The following NUP43 variants were observed in gnomAD, a reference collection of about 807,000 sequenced individuals.
NUP43 encodes the protein nucleoporin 43, also known as nucleoporin Nup43.
Under a neutral mutation model 47.3 loss-of-function variants are expected in NUP43, and 32 were observed. The observed-to-expected ratio is 0.68, with a 90% CI of 0.51 to 0.91. NUP43 has a LOEUF of 0.91. Ranked by LOEUF, NUP43 falls within the 40% of genes least tolerant of loss-of-function variation. The pLI is 0.00. For missense variants in NUP43, 444 were observed against 453.9 expected (o/e 0.98, Z 0.20); for synonymous variants, 147 against 158.4 (o/e 0.93, Z 0.54).
chr6:149,725,082 A>T lies in NUP43; in HGVS notation c.*1887T>A, dbSNP rs1784743193. 6.6e-6 allele frequency: 1 copy of T among 152,252 alleles called. No homozygotes were observed. The highest frequency in any genetic ancestry group is 6.5e-5 in the Admixed American group (1 of 15,278). 9.4% of individuals were successfully genotyped at this position (152,252 alleles called of 1,614,324 possible). On this transcript the variant is annotated 3_prime_UTR_variant, in exon 8 of 8. Transcript: ENST00000340413. Reference sequence around the variant, plus strand: ...GAACAAATTCATAAATTACGGTGTTACATTACATAAAGCTTAGTTTCTTAT... The same window carrying T: ...GAACAAATTCATAAATTACGGTGTTTCATTACATAAAGCTTAGTTTCTTAT...
chr6:149,727,069 C>T lies in NUP43; in HGVS notation c.1043G>A (p.Ser348Asn), dbSNP rs1281255384. ...CAAAGTGTTCACAGACAGAGACCTA[C>T]TGGGAAGTAAGCTTGTGATTTCAAT... ...DRIEITSLLP[S>N]RSLSVNTLDV... The change falls in exon 8 of 8, where the codon AGT (serine) becomes AAT (asparagine). Residue 348 changes from serine to asparagine, a missense_variant. Transcript: ENST00000340413. 2 of 1,614,138 alleles carry T rather than the reference C, an allele frequency of 1.2e-6. No homozygotes were observed. The highest frequency in any genetic ancestry group is 2.2e-5 in the South Asian group (2 of 91,084).
In NUP43 at chr6:149,742,496, T is replaced by G; in HGVS notation, c.396A>C (p.Ala132=). The G allele has an allele frequency of 6.2e-7, 1 of 1,614,112 alleles. No individual in the cohort carries two copies. The highest frequency in any genetic ancestry group is 2.2e-5 in the East Asian group (1 of 44,888). The change falls in exon 4 of 8, where the codon GCA becomes GCC. Residue 132 remains alanine, a synonymous_variant. Coordinates refer to ENST00000340413, the MANE Select transcript of NUP43 (RefSeq NM_198887.3). ...TGTTGCACACAACACCTGTACATGGTGCACTGCTATAGGAAGGACTGCCAG... is the reference window on the plus strand; with the variant it reads ...TGTTGCACACAACACCTGTACATGGGGCACTGCTATAGGAAGGACTGCCAG... ...TGPGSPSYSS[A]PCTGVVCNNP...
chr6:149,746,654 T>C, upstream of NUP43: 3 of 1,567,432 alleles, frequency 1.9e-6, no homozygotes, highest in South Asian at 1.1e-5. Flanking sequence ...GCACAGTCAG[T>C]ACCTAGACTG....
At chr6:149,742,240 G>T in intron 4 of NUP43, 150 bp downstream of exon 4, 1 of 633,046 alleles carries the variant, frequency 1.6e-6, no homozygotes, top group Non-Finnish European at 2.8e-6. Flanking sequence ...TGGTCAGGCT[G>T]GTCTCGGACT....
chr6:149,729,504 G>GGAGC lies in NUP43; in HGVS notation c.913+2105_913+2108dup. 3.0e-6 allele frequency: 3 copies of GGAGC among 984,586 alleles called. No homozygotes were observed. The East Asian group carries it at 3.4e-4, about 112-fold the overall frequency. The allele number at this position is 984,586 out of a possible 1,614,324, so 61.0% of individuals were successfully genotyped here. A position where few individuals can be genotyped will look rare whatever the true frequency, so the allele number is the denominator to read the frequency against. On this transcript the variant is annotated intron_variant, in intron 7 of 7. Coordinates refer to ENST00000340413, the MANE Select transcript of NUP43 (RefSeq NM_198887.3). ...TGGTGGTAGTTTCAGCCTGGTTGAG[G>GGAGC]GAGCGCCTTTTCTCCTAATTCAGAA...
rs1429665435 is a variant in NUP43 at position 149,738,700 on chromosome 6, T to C, written c.581A>G (p.Gln194Arg). Residue 194 changes from glutamine to arginine, a missense_variant, in exon 5 of 8, where the codon CAG becomes CGG. Transcript: ENST00000340413. ...PEILTVNSIGQLKIWDFRQQG... is the reference protein window; with the variant it reads ...PEILTVNSIGRLKIWDFRQQG... ...TTGTCTGAAATCCCATATTTTCAACTGTCCAATTGAATTTACAGTAAGAAT... is the reference window on the plus strand; with the variant it reads ...TTGTCTGAAATCCCATATTTTCAACCGTCCAATTGAATTTACAGTAAGAAT... The C allele has an allele frequency of 1.9e-6, 3 of 1,596,902 alleles. No individual in the cohort carries two copies. Among genetic ancestry groups the C allele is most frequent in the Non-Finnish European group, 2.6e-6 (3 of 1,171,956 alleles).
intron 4 of NUP43, among the ~76,000 whole-genome samples, chr6:149,741,051 T>C (rs1303626196): frequency 6.6e-6 from 1 of 151,984 alleles, no homozygotes; most frequent in Admixed American, 6.6e-5. Flanking sequence ...TATCTGATAA[T>C]GCCCTCTCAC....
At chr6:149,733,826 G>GT (rs933712677) in intron 6 of NUP43, among the ~76,000 whole-genome samples, 1 of 150,826 alleles carries the variant, frequency 6.6e-6, no homozygotes, top group African/African-American at 2.4e-5. Flanking sequence ...AATCTGTTTT[G>GT]TTTTGTTTTT....
chr6:149,735,121 G>A (rs1785255884), intron 6 of NUP43, among the ~76,000 whole-genome samples: 1 of 151,998 alleles, frequency 6.6e-6, no homozygotes, highest in South Asian at 2.1e-4. Context: ...GGAGTGCATA[G>A]GTGCAATCAT....
intron 4 of NUP43, among the ~76,000 whole-genome samples, chr6:149,739,488 T>C (rs1451664874): frequency 1.3e-5 from 2 of 152,072 alleles, no homozygotes; most frequent in African/African-American, 4.8e-5. Flanking sequence ...AGTTTCACCA[T>C]GTTGGCCAGG....
chr6:149,734,204 A>G (rs1785204140), intron 6 of NUP43, among the ~76,000 whole-genome samples: 1 of 152,188 alleles, frequency 6.6e-6, no homozygotes, highest in East Asian at 1.9e-4. Context: ...GTGTAGTGGC[A>G]TATACCTGTA....
At chr6:149,728,883 C>T (rs949297068) in intron 7 of NUP43, among the ~76,000 whole-genome samples, 1 of 152,220 alleles carries the variant, frequency 6.6e-6, no homozygotes, top group East Asian at 1.9e-4. Flanking sequence ...GTGGCCTCTT[C>T]TGACTCTCAC....
At chr6:149,745,799 T>A in intron 2 of NUP43, 141 bp downstream of exon 2, 1 of 619,818 alleles carries the variant, frequency 1.6e-6, no homozygotes, top group Non-Finnish European at 2.7e-6. Flanking sequence ...GGCTAAATGA[T>A]GTTGGGCAAA....
intron 6 of NUP43, among the ~76,000 whole-genome samples, chr6:149,733,746 C>A (rs924798440): frequency 6.6e-6 from 1 of 151,756 alleles, no homozygotes; most frequent in Non-Finnish European, 1.5e-5. Context: ...GTGCCCAGCC[C>A]CAAAGAAATT....
At chr6:149,738,040 TC>T (rs1785457767) in intron 5 of NUP43, among the ~76,000 whole-genome samples, 1 of 152,150 alleles carries the variant, frequency 6.6e-6, no homozygotes, top group Admixed American at 6.6e-5. Flanking sequence ...TAGATATATT[TC>T]TAAATAGTAC....
Position 149,736,747 on chromosome 6 carries a change from G to A in NUP43, c.639-125C>T, listed in dbSNP as rs550859085. On this transcript the variant is annotated intron_variant, in intron 5 of 7. Transcript: ENST00000340413. ...TCACTTACCCAGGCTGGAATGCAGC[G>A]CTGCAATCATTGCTTACTGTAGGCT... 4.8e-4 allele frequency: 360 copies of A among 747,970 alleles called. No homozygotes were observed. The African/African-American group carries it at 5.3e-3, about 11-fold the overall frequency. 46.3% of individuals were successfully genotyped at this position (747,970 alleles called of 1,614,324 possible).
At position 149,726,721 on chromosome 6, in the gene NUP43, C is replaced by T. The variant is rs1784805774; in HGVS notation, c.*248G>A. The T allele has an allele frequency of 1.6e-5, 8 of 502,900 alleles. No individual in the cohort carries two copies. The highest frequency in any genetic ancestry group is 2.9e-5 in the Non-Finnish European group (8 of 278,012). 31.2% of individuals were successfully genotyped at this position (502,900 alleles called of 1,614,324 possible). ...AATACTCTGAAGGCAACCTATTCAT[C>T]AGCACCAGAATCCCACTGATTTTCT... On this transcript the variant is annotated 3_prime_UTR_variant, in exon 8 of 8. Coordinates refer to ENST00000340413, the MANE Select transcript of NUP43 (RefSeq NM_198887.3).
Position 149,728,998 on chromosome 6 carries a change from T to C in NUP43, c.914-1800A>G, listed in dbSNP as rs761529683. ...TATTTGGCCATGTTATTTTCCTTTTTCTTTTTTTTTGAGATGGAGTCTTGC... is the reference window on the plus strand; with the variant it reads ...TATTTGGCCATGTTATTTTCCTTTTCCTTTTTTTTTGAGATGGAGTCTTGC... On this transcript the variant is annotated intron_variant, in intron 7 of 7. Transcript: ENST00000340413. 5.1e-4 allele frequency among the ~76,000 whole-genome samples: 78 copies of C among 152,106 alleles called. 1 individual carries two copies. The highest frequency in any genetic ancestry group is 1.0e-4 in the Non-Finnish European group (7 of 68,028).
chr6:149,741,409 A>G (rs1379997110), intron 4 of NUP43, among the ~76,000 whole-genome samples: 1 of 152,078 alleles, frequency 6.6e-6, no homozygotes, highest in African/African-American at 2.4e-5. Flanking sequence ...CTTGGCCTCA[A>G]ATGATCTGCT....
Sources: gnomAD v4.1 joint callset for allele counts (sites outside exome capture counted in the v4.1 genomes callset) on GRCh38, gnomAD v4.1.1 for gene constraint, MANE v1.5 for transcripts, NCBI Gene and HGNC (gene_info 2026-07-23, HGNC 2026-07-21) for gene names.